Variants in ZNF44 observed in about 807,000 individuals in gnomAD.
ZNF44 encodes the protein zinc finger protein 44, also known as gonadotropin inducible transcription repressor-2.
ZNF44 carries 9 observed loss-of-function variants against 11.7 expected under a neutral mutation model. The ratio of observed to expected loss-of-function variants is 0.77; its 90% CI spans 0.46 to 1.35. The LOEUF (loss-of-function observed/expected upper bound fraction) is 1.35. Among genes scored for constraint, ZNF44 ranks in the 40% most tolerant of loss-of-function variants. The pLI is 0.00. For missense variants in ZNF44, 696 were observed against 743.1 expected (o/e 0.94, Z 0.74); for synonymous variants, 224 against 242.7 (o/e 0.92, Z 0.72).
intron 1 of ZNF44, among the ~76,000 whole-genome samples, chr19:12,285,700 C>T (rs1967704999): frequency 1.3e-5 from 2 of 152,094 alleles, no homozygotes; most frequent in South Asian, 4.1e-4. Flanking sequence ...ATAACATTGT[C>T]AACAACATCA....
At chr19:12,285,019 C>T (rs893180968) in intron 1 of ZNF44, 12 of 706,978 alleles carry the variant, frequency 1.7e-5, no homozygotes, top group East Asian at 1.2e-4. Context: ...TTCGCCAAGG[C>T]CACCTTTGAT....
chr19:12,225,791 G>A (rs747727446), downstream of ZNF44, among the ~76,000 whole-genome samples: 20 of 152,202 alleles, frequency 1.3e-4, no homozygotes, highest in Non-Finnish European at 2.5e-4. Context: ...GTAGGGGTGA[G>A]ACTGAATAGG....
At chr19:12,289,217 C>CAAT (rs1967898408) in intron 1 of ZNF44, among the ~76,000 whole-genome samples, 1 of 152,034 alleles carries the variant, frequency 6.6e-6, no homozygotes, top group Non-Finnish European at 1.5e-5. Context: ...TGAGATGGGA[C>CAAT]AATCCCCTCA....
chr19:12,247,465 G>A (rs1042058087), downstream of ZNF44: 21 of 1,333,144 alleles, frequency 1.6e-5, no homozygotes, highest in Admixed American at 6.3e-5. Flanking sequence ...GTATGAATTC[G>A]TTCATGTATA....
At chr19:12,278,090 T>C (rs1156827049) in intron 1 of ZNF44, among the ~76,000 whole-genome samples, 1 of 152,230 alleles carries the variant, frequency 6.6e-6, no homozygotes, top group Admixed American at 6.5e-5. Context: ...ATGCTCGTGA[T>C]GGCTATGACG....
rs376006939 is a variant in ZNF44, at chr19:12,273,366, G to A, written c.889C>T (p.Arg297Ter). Residue 297 changes from arginine to a stop codon, truncating the protein, a stop_gained, in exon 4 of 4, where the codon CGA becomes TGA. Coordinates refer to ENST00000355684, the MANE Select transcript of ZNF44 (RefSeq NM_016264.4). LOFTEE classifies it low-confidence loss of function (END_TRUNC). The stretch of plus-strand genomic sequence containing the variant: ...CCAGTGTGAATTCTTTCATGTACTC[G>A]AAGGGAACCGGAAACACTGAAGGCT... Reference protein sequence around the residue: ...GKAFSVSGSLRVHERIHTGEK... With the variant: ...GKAFSVSGSL The A allele has an allele frequency of 9.3e-6, 15 of 1,613,638 alleles. No individual in the cohort carries two copies. The highest frequency in any genetic ancestry group is 5.3e-5 in the African/African-American group (4 of 74,828).
At chr19:12,253,677 GA>G (rs559230621) in intron 5 of ZNF44, among the ~76,000 whole-genome samples, 3 of 149,952 alleles carry the variant, frequency 2.0e-5, no homozygotes, top group African/African-American at 4.9e-5. Flanking sequence ...CCAGTAGGCA[GA>G]AAAAAAAACA....
At chr19:12,249,678 A>T (rs1351549291) in intron 7 of ZNF44, among the ~76,000 whole-genome samples, 1 of 151,946 alleles carries the variant, frequency 6.6e-6, no homozygotes, top group Non-Finnish European at 1.5e-5. Flanking sequence ...TCAGCCTCCG[A>T]AGTAGCTGGG....
At chr19:12,250,636 G>C (rs766500204) in intron 5 of ZNF44, 5 of 389,984 alleles carry the variant, frequency 1.3e-5, no homozygotes, top group Non-Finnish European at 2.6e-5. Context: ...GAGAAATGCT[G>C]TACAAAAAAA....
In ZNF44 at chr19:12,284,436, C is replaced by CG. The variant is rs778383794; in HGVS notation, c.4-8355dup. ...CCGCGGAGATTTCGGCAGTGGCATC[C>CG]GGGGCCGGGGCCGCGGAGCTCTGAG... is the stretch of plus-strand genomic sequence containing the variant. On this transcript the variant is annotated intron_variant, in intron 1 of 3. Transcript: ENST00000355684. 1.4e-5 allele frequency: 9 copies of CG among 634,168 alleles called. 1 individual carries two copies. The highest frequency in any genetic ancestry group is 2.0e-5 in the Non-Finnish European group (7 of 342,920). The allele number at this position is 634,168 out of a possible 1,614,324, so 39.3% of individuals were successfully genotyped here.
Position 12,273,697 on chromosome 19 carries a change from T to A in ZNF44, c.558A>T (p.Arg186Ser). ...CATCTCCACCTTTTACTACCATATG[T>A]CTTCGAAGGTTTCCAGGAGAACTGA... is the stretch of plus-strand genomic sequence containing the variant. Reference protein sequence around the residue: ...KTFSSPGNLRRHMVVKGGDGP... With the variant: ...KTFSSPGNLRSHMVVKGGDGP... The change falls in exon 4 of 4, where the codon AGA becomes AGT. Residue 186 changes from arginine (R) to serine (S), a missense_variant. Coordinates refer to ENST00000355684, the MANE Select transcript of ZNF44 (RefSeq NM_016264.4). 1 of 1,614,196 alleles carries A rather than the reference T, an allele frequency of 6.2e-7. No individual in the cohort carries two copies. Among genetic ancestry groups the A allele is most frequent in the Non-Finnish European group, 8.5e-7 (1 of 1,180,036 alleles).
At chr19:12,255,672 G>T (rs1917220700) in intron 5 of ZNF44, among the ~76,000 whole-genome samples, 1 of 152,128 alleles carries the variant, frequency 6.6e-6, no homozygotes, top group African/African-American at 2.4e-5. Context: ...CATAGTGTGG[G>T]GTTGCATCAG....
At chr19:12,236,941 T>C (rs1916412347) in intron 1 of ZNF44, 1 of 152,250 alleles carries the variant, frequency 6.6e-6, no homozygotes, top group Admixed American at 6.5e-5. Flanking sequence ...AAGATTTAAC[T>C]TGGCTTGCTT....
At chr19:12,267,043 CTTTTTTT>C (rs560631225), downstream of ZNF44, among the ~76,000 whole-genome samples, 8 of 139,800 alleles carry the variant, frequency 5.7e-5, no homozygotes, top group Non-Finnish European at 9.4e-5. Context: ...TTTCTTTTTT[CTTTTTTT>C]TTTTTTTGAG....
chr19:12,244,598 C>T (rs1916717624), downstream of ZNF44: 1 of 152,616 alleles, frequency 6.6e-6, no homozygotes, highest in Admixed American at 6.5e-5. Flanking sequence ...AAAACTGTAA[C>T]AAACCTCCAT....
chr19:12,265,562 G>T (rs142689055), intron 5 of ZNF44, among the ~76,000 whole-genome samples: 1 of 152,028 alleles, frequency 6.6e-6, no homozygotes, highest in Non-Finnish European at 1.5e-5. Flanking sequence ...TGATAAAGCC[G>T]GGGAGGCTCA....
intron 5 of ZNF44, among the ~76,000 whole-genome samples, chr19:12,253,261 C>T (rs1459365453): frequency 3.4e-5 from 5 of 146,742 alleles, no homozygotes; most frequent in African/African-American, 1.3e-4. Flanking sequence ...GTGGTCTCAG[C>T]TCACTGCAAC....
intron 5 of ZNF44, among the ~76,000 whole-genome samples, chr19:12,264,301 C>A (rs990368667): frequency 6.6e-6 from 1 of 152,054 alleles, no homozygotes; most frequent in Non-Finnish European, 1.5e-5. Context: ...AGCGTGAGTA[C>A]GTAGGACACC....
chr19:12,250,619 A>G (rs1427935142), intron 5 of ZNF44, among the ~76,000 whole-genome samples: 1 of 152,220 alleles, frequency 6.6e-6, no homozygotes, highest in Non-Finnish European at 1.5e-5. Flanking sequence ...GCACTCTGGA[A>G]AAGTGAGAGA....
Sources: allele counts gnomAD v4.1 joint callset (sites outside exome capture counted in the v4.1 genomes callset), GRCh38; gene constraint gnomAD v4.1.1; transcripts MANE v1.5; gene names NCBI Gene and HGNC (gene_info 2026-07-23, HGNC 2026-07-21).